The following PARD3 variants were observed in gnomAD, a reference collection of about 807,000 sequenced individuals.
PARD3 encodes the protein partitioning defective 3 homolog.
In PARD3, 75 loss-of-function variants were observed where a neutral mutation model predicts 155.4. The observed-to-expected ratio is 0.48, with a 90% confidence interval of 0.40 to 0.58. The LOEUF is 0.58. PARD3 is among the 20% of genes least tolerant of loss of function. The pLI, the probability that PARD3 is intolerant of heterozygous loss-of-function variation, is 0.00. For synonymous variants in PARD3, 576 were observed against 610.5 expected (o/e 0.94, Z 0.83); for missense variants, 1,642 against 1,721.7 (o/e 0.95, Z 0.82).
intron 18 of PARD3, among the ~76,000 whole-genome samples, chr10:34,333,579 C>T (rs1961977): frequency 0.6 from 90,880 of 151,832 alleles, 29,253 homozygotes; most frequent in African/African-American, 0.86. Flanking sequence ...AAAACTTTTA[C>T]AATAAAAAAT....
At chr10:34,376,442 A>C (rs1841249561) in intron 10 of PARD3, among the ~76,000 whole-genome samples, 1 of 152,210 alleles carries the variant, frequency 6.6e-6, no homozygotes, top group African/African-American at 2.4e-5. Flanking sequence ...CTCAGAAGAC[A>C]GGAGGACTGA....
At chr10:34,223,868 C>T (rs528857552) in intron 22 of PARD3, among the ~76,000 whole-genome samples, 2 of 152,212 alleles carry the variant, frequency 1.3e-5, no homozygotes, top group Non-Finnish European at 2.9e-5. Flanking sequence ...CCATGTCACA[C>T]ACTCAAGGAC....
In PARD3 at chr10:34,111,522, A is replaced by G. The variant is rs1946379247; in HGVS notation, c.3709T>C (p.Trp1237Arg). 1.9e-6 allele frequency: 3 copies of G among 1,611,096 alleles called. No individual in the cohort carries two copies. Among genetic ancestry groups the G allele is most frequent in the Non-Finnish European group, 8.5e-7 (1 of 1,177,864 alleles). ...KNASSVSQDS[W>R]EQNYSPGEGF... Reference sequence around the variant, plus strand: ...TCCCCAGGGGAGTAGTTCTGCTCCCAAGAGTCCTGGGAGACCGAGCTGGCA... The same window carrying G: ...TCCCCAGGGGAGTAGTTCTGCTCCCGAGAGTCCTGGGAGACCGAGCTGGCA... The change falls in exon 25 of 25, where the codon TGG becomes CGG. Residue 1237 changes from tryptophan (W) to arginine (R), a missense_variant. This residue lies in a region of PARD3 where 1,529 missense variants were observed against 1,587.3 expected (regional missense o/e 0.96). Transcript: ENST00000374788.
chr10:34,758,976 G>C (rs1378550751), intron 1 of PARD3, among the ~76,000 whole-genome samples: 4 of 152,250 alleles, frequency 2.6e-5, no homozygotes, highest in Non-Finnish European at 4.4e-5. Context: ...GATGATTTTT[G>C]CTGCACAAAA....
At chr10:34,343,141 T>C (rs1837013384) in intron 15 of PARD3, 1 of 189,682 alleles carries the variant, frequency 5.3e-6, no homozygotes, top group African/African-American at 2.4e-5. Context: ...TCTCAAGACA[T>C]ACTTTTTTCC....
At chr10:34,393,213 A>C (rs7090627) in intron 7 of PARD3, among the ~76,000 whole-genome samples, 16,261 of 151,536 alleles carry the variant, frequency 0.11, 1,755 homozygotes, top group African/African-American at 0.28. Context: ...AAGGAAAAGT[A>C]ATGTGAAACA....
chr10:34,599,845 G>A (rs1434162432), intron 2 of PARD3, among the ~76,000 whole-genome samples: 1 of 152,018 alleles, frequency 6.6e-6, no homozygotes, highest in African/African-American at 2.4e-5. Flanking sequence ...ATTTACTATG[G>A]CATAACTAAA....
At chr10:34,507,480 C>G (rs2081142079) in intron 3 of PARD3, among the ~76,000 whole-genome samples, 1 of 149,416 alleles carries the variant, frequency 6.7e-6, no homozygotes, top group Admixed American at 6.7e-5. Context: ...CTACTCAGCT[C>G]TCTGCCTGTG....
Position 34,271,876 on chromosome 10 carries a change from T to C in PARD3, c.3177-1977A>G, listed in dbSNP as rs564276591. Among the ~76,000 whole-genome samples the C allele has an allele frequency of 6.7e-4, 102 of 152,328 alleles. 3 individuals are homozygous for C. The South Asian group carries it at 0.021, about 31-fold the overall frequency. On this transcript the variant is annotated intron_variant, in intron 21 of 24. Transcript: ENST00000374788. ...ATAAGATCAACATATAAAAATCCATTGTATTCTCCATATGCTGGCAATGAA... is the reference window on the plus strand; with the variant it reads ...ATAAGATCAACATATAAAAATCCATCGTATTCTCCATATGCTGGCAATGAA...
chr10:34,475,684 CAT>C (rs1337630032), intron 3 of PARD3, among the ~76,000 whole-genome samples: 29 of 152,166 alleles, frequency 1.9e-4, no homozygotes, highest in South Asian at 4.1e-4. Context: ...CAGAAAATCA[CAT>C]GTTAATATCT....
rs374101279 is a variant in PARD3, at chr10:34,786,556, A to G, written c.120+28320T>C. ...ACAGTGCCACCTGGGAGGACTGATC[A>G]GCAATTTTATGAATGGCAAATGCAA... On this transcript the variant is annotated intron_variant, in intron 1 of 24. Transcript: ENST00000374788. Among the ~76,000 whole-genome samples the G allele has an allele frequency of 3.9e-5, 6 of 152,340 alleles. No homozygotes were observed. The South Asian group carries it at 8.3e-4, about 21-fold the overall frequency.
At chr10:34,305,451 T>C (rs1957356901) in intron 20 of PARD3, among the ~76,000 whole-genome samples, 1 of 152,248 alleles carries the variant, frequency 6.6e-6, no homozygotes, top group Non-Finnish European at 1.5e-5. Flanking sequence ...CCACAAAGCT[T>C]GTAAGGAGTA....
At chr10:34,694,808 T>G (rs147792733) in intron 2 of PARD3, among the ~76,000 whole-genome samples, 1 of 152,276 alleles carries the variant, frequency 6.6e-6, no homozygotes, top group African/African-American at 2.4e-5. Flanking sequence ...TTTGATATTT[T>G]TTGTCTTACT....
At chr10:34,792,451 C>G (rs1455855623) in intron 1 of PARD3, among the ~76,000 whole-genome samples, 3 of 152,204 alleles carry the variant, frequency 2.0e-5, no homozygotes, top group Non-Finnish European at 4.4e-5. Context: ...ACAAACTCTA[C>G]TTAGCAGAGT....
At chr10:34,628,841 A>C (rs1246271255) in intron 2 of PARD3, among the ~76,000 whole-genome samples, 1 of 152,250 alleles carries the variant, frequency 6.6e-6, no homozygotes, top group Non-Finnish European at 1.5e-5. Flanking sequence ...AATGACGAAC[A>C]AGAAACAAAC....
intron 2 of PARD3, among the ~76,000 whole-genome samples, chr10:34,553,574 T>C (rs189474251): frequency 2.2e-4 from 34 of 152,312 alleles, no homozygotes; most frequent in Admixed American, 2.1e-3. Context: ...TGCAAGGTAC[T>C]GGCATGTTGG....
intron 2 of PARD3, among the ~76,000 whole-genome samples, chr10:34,592,396 T>C (rs2088790703): frequency 6.6e-6 from 1 of 152,192 alleles, no homozygotes; most frequent in Non-Finnish European, 1.5e-5. Flanking sequence ...TCCCTTCTCC[T>C]AGAATGTAAT....
chr10:34,720,366 G>A (rs2094584720), intron 1 of PARD3, among the ~76,000 whole-genome samples: 2 of 139,618 alleles, frequency 1.4e-5, no homozygotes, highest in African/African-American at 5.4e-5. Flanking sequence ...CAGAAGAATT[G>A]CTTGAAACCA....
chr10:34,570,137 T>G (rs560585465), intron 2 of PARD3, among the ~76,000 whole-genome samples: 2 of 152,326 alleles, frequency 1.3e-5, no homozygotes, highest in South Asian at 4.1e-4. Context: ...ACTCTCCCAG[T>G]TCTGGCCAAA....
Sources: allele counts gnomAD v4.1 joint callset (sites outside exome capture counted in the v4.1 genomes callset), GRCh38; gene constraint gnomAD v4.1.1; regional missense constraint gnomAD v4.1.1; transcripts MANE v1.5; gene names NCBI Gene and HGNC (gene_info 2026-07-23, HGNC 2026-07-21).